Variants in RPS6KA3 observed in about 807,000 individuals in gnomAD.
RPS6KA3 encodes the protein ribosomal protein S6 kinase A3.
In RPS6KA3, 4 loss-of-function variants were observed where a neutral mutation model predicts 67.2. That is an observed-to-expected ratio of 0.06 (90% CI 0.03 to 0.14). The LOEUF is 0.14. Ranked by LOEUF, RPS6KA3 falls within the 10% of genes least tolerant of loss-of-function variation. RPS6KA3 has a pLI of 1.00. For missense variants in RPS6KA3, 204 were observed against 559.0 expected, an observed-to-expected ratio of 0.36 and a Z score of 6.40; for synonymous variants, 182 against 183.7, an observed-to-expected ratio of 0.99 and a Z score of 0.07.
chrX:20,186,836 CTTAT>C (rs1349803614), intron 9 of RPS6KA3, among the ~76,000 whole-genome samples: 1 of 111,952 alleles, frequency 8.9e-6, no homozygotes, highest in African/African-American at 3.2e-5. Flanking sequence ...TTCATATGAA[CTTAT>C]TTATTTTTTT....
intron 1 of RPS6KA3, among the ~76,000 whole-genome samples, chrX:20,240,952 T>C (rs2069535547): frequency 9.0e-6 from 1 of 111,367 alleles, no homozygotes; most frequent in African/African-American, 3.3e-5. Flanking sequence ...CTTTTCTTCT[T>C]TGTAATGTAT....
rs756362694 is a variant in RPS6KA3, at chrX:20,226,849, A to ACCCTATTACAG, written c.126+7898_126+7908dup. On this transcript the variant is annotated intron_variant, in intron 2 of 21. Transcript: ENST00000379565. ...TCAATTTCAGATATTACCTTTAGAC[A>ACCCTATTACAG]CCCTATTACAGATGACTTGGCACTC... 1.3e-4 allele frequency among the ~76,000 whole-genome samples: 15 copies of ACCCTATTACAG among 111,337 alleles called. No homozygotes were observed. In the South Asian group the frequency reaches 4.8e-3, roughly 36 times the overall value.
At chrX:20,188,371 T>C in intron 8 of RPS6KA3, 126 bp downstream of exon 8, 1 of 443,121 alleles carries the variant, frequency 2.3e-6, no homozygotes. Context: ...CCACTACGCC[T>C]GGCCCTAATA....
intron 15 of RPS6KA3, among the ~76,000 whole-genome samples, chrX:20,171,166 C>CTA (rs748184815): frequency 8.9e-6 from 1 of 112,065 alleles, no homozygotes; most frequent in Admixed American, 9.5e-5. Context: ...AAATAATCGA[C>CTA]TATATATGCT....
intron 2 of RPS6KA3, among the ~76,000 whole-genome samples, chrX:20,225,441 A>T (rs1372486573): frequency 2.7e-5 from 3 of 110,219 alleles, no homozygotes; most frequent in Non-Finnish European, 5.7e-5. Context: ...TATCTCAGAA[A>T]TATTTTCCTA....
chrX:20,198,954 C>A (rs768553028), intron 4 of RPS6KA3, among the ~76,000 whole-genome samples: 138 of 111,101 alleles, frequency 1.2e-3, no homozygotes, highest in African/African-American at 4.4e-3. Flanking sequence ...TCACTGCAAC[C>A]TCCGCCTCCT....
intron 2 of RPS6KA3, among the ~76,000 whole-genome samples, chrX:20,234,047 T>C (rs988030242): frequency 2.7e-5 from 3 of 111,949 alleles, no homozygotes; most frequent in Non-Finnish European, 3.8e-5. Context: ...GATTCAGGAG[T>C]GAACAACAAC....
chrX:20,176,934 CT>C, intron 11 of RPS6KA3, 61 bp downstream of exon 11: 1 of 831,010 alleles, frequency 1.2e-6, no homozygotes, highest in Admixed American at 2.2e-5. Flanking sequence ...CAAATATCTA[CT>C]CCCCGCTAAA....
At chrX:20,199,330 G>A (rs2068361670) in intron 4 of RPS6KA3, among the ~76,000 whole-genome samples, 1 of 111,749 alleles carries the variant, frequency 8.9e-6, no homozygotes, top group Admixed American at 9.5e-5. Flanking sequence ...AGGGTACAGG[G>A]GGTTCACTAT....
At chrX:20,237,762 T>C (rs995409325) in intron 1 of RPS6KA3, among the ~76,000 whole-genome samples, 1 of 111,601 alleles carries the variant, frequency 9.0e-6, no homozygotes, top group Non-Finnish European at 1.9e-5. Context: ...CTTTTGATCT[T>C]GGAATTTAAA....
chrX:20,163,582 A>C (rs1016107724), intron 18 of RPS6KA3, among the ~76,000 whole-genome samples: 3 of 111,783 alleles, frequency 2.7e-5, no homozygotes, highest in Non-Finnish European at 5.6e-5. Flanking sequence ...TCACGCCTGC[A>C]GTCCAGCACT....
chrX:20,246,122 GAAAAAA>G (rs5901672), intron 1 of RPS6KA3, among the ~76,000 whole-genome samples: 2 of 52,844 alleles, frequency 3.8e-5, no homozygotes, highest in Middle Eastern at 0.013. Context: ...TCTCGGAAAA[GAAAAAA>G]AAAAAAAAAA....
At position 20,245,543 on chromosome X, in the gene RPS6KA3, GATCT is replaced by G. The variant is rs754339258; in HGVS notation, c.70-10733_70-10730del. Among the ~76,000 whole-genome samples, 14 of 111,787 alleles carry G rather than the reference GATCT, an allele frequency of 1.3e-4. No homozygotes were observed. The South Asian group carries it at 1.5e-3, about 12-fold the overall frequency. ...AGCAATTTTATAATTTCCACAATCT[GATCT>G]ATTATTTTACTAGAGAAAATTAGTA... On this transcript the variant is annotated intron_variant, in intron 1 of 21. Transcript: ENST00000379565.
At chrX:20,189,520 C>A (rs749633234) in intron 7 of RPS6KA3, among the ~76,000 whole-genome samples, 4 of 112,020 alleles carry the variant, frequency 3.6e-5, no homozygotes, top group Non-Finnish European at 7.5e-5. Flanking sequence ...AGGTTTCTGG[C>A]TTGAGCAGAT....
intron 7 of RPS6KA3, among the ~76,000 whole-genome samples, chrX:20,191,767 T>C (rs1162052424): frequency 2.7e-5 from 3 of 111,611 alleles, no homozygotes; most frequent in Non-Finnish European, 1.9e-5. Context: ...CAATGAATTA[T>C]ACACTTCTTT....
chrX:20,191,047 T>C (rs755425232), intron 7 of RPS6KA3, among the ~76,000 whole-genome samples: 2 of 110,279 alleles, frequency 1.8e-5, no homozygotes, highest in South Asian at 7.8e-4. Context: ...CAGGCCCCGG[T>C]GTGTGGTGTT....
chrX:20,199,831 A>G (rs1308580675), intron 4 of RPS6KA3, among the ~76,000 whole-genome samples: 2 of 112,322 alleles, frequency 1.8e-5, no homozygotes, highest in African/African-American at 6.5e-5. Context: ...TCATCACTGT[A>G]ACACAGGAAA....
chrX:20,193,033 T>C (rs896178763), intron 7 of RPS6KA3, among the ~76,000 whole-genome samples: 14 of 112,053 alleles, frequency 1.2e-4, no homozygotes, highest in Non-Finnish European at 2.6e-4. Flanking sequence ...ATCCCAATAC[T>C]TTGGGAGGCT....
rs148937106 is a variant in RPS6KA3, at chrX:20,188,166, C to T, written c.632-196G>A. On this transcript the variant is annotated intron_variant, in intron 8 of 21. Transcript: ENST00000379565. ...TTGGCTCACTGTATCCTCTGCCTCC[C>T]GGGTTCAAGTGATTCTCCTGCCTCA... Among the ~76,000 whole-genome samples the T allele has an allele frequency of 0.044, 4,940 of 111,341 alleles. 275 individuals are homozygous for T. Among genetic ancestry groups the T allele is most frequent in the African/African-American group, 0.15 (4,659 of 30,558 alleles).
Sources: allele counts gnomAD v4.1 joint callset (sites outside exome capture counted in the v4.1 genomes callset), GRCh38; gene constraint gnomAD v4.1.1; transcripts MANE v1.5; gene names NCBI Gene and HGNC (gene_info 2026-07-23, HGNC 2026-07-21).